The following AFG2B variants were observed in gnomAD, a reference collection of about 807,000 sequenced individuals.
The protein encoded by AFG2B is ATPase family gene 2 protein homolog B.
chr15:45,402,384 G>C, the AFG2B span: 1 of 1,555,238 alleles, frequency 6.4e-7, no homozygotes, highest in South Asian at 1.2e-5. Context: ...TGTGGGCCGG[G>C]TGGGTTTCCT....
chr15:45,411,712 C>T, the AFG2B span, among the ~76,000 whole-genome samples: 1 of 152,094 alleles, frequency 6.6e-6, no homozygotes, highest in Non-Finnish European at 1.5e-5. Flanking sequence ...CCAGGACACC[C>T]AGGAGATCGA....
chr15:45,413,858 T>G, the AFG2B span, among the ~76,000 whole-genome samples: 1 of 152,220 alleles, frequency 6.6e-6, no homozygotes, highest in Non-Finnish European at 1.5e-5. Context: ...TAACTTTTTT[T>G]AGGCCCGAGT....
chr15:45,413,697 C>T, the AFG2B span, among the ~76,000 whole-genome samples: 1 of 152,154 alleles, frequency 6.6e-6, no homozygotes, highest in Non-Finnish European at 1.5e-5. Flanking sequence ...ACTGCTTCCT[C>T]AGTGCAGACT....
chr15:45,402,520 C>T, the AFG2B span: 9 of 1,604,008 alleles, frequency 5.6e-6, no homozygotes, highest in East Asian at 1.6e-4. Flanking sequence ...GCGCTGCCGC[C>T]TGGGCCCGGC....
chr15:45,405,947 A>AT, the AFG2B span, among the ~76,000 whole-genome samples: 2 of 152,048 alleles, frequency 1.3e-5, no homozygotes, highest in African/African-American at 4.8e-5. Flanking sequence ...CTTCATGTGT[A>AT]TTTCCTTATA....
chr15:45,403,513 C>G, the AFG2B span: 1 of 1,602,590 alleles, frequency 6.2e-7, no homozygotes, highest in Non-Finnish European at 8.5e-7. Context: ...GAGATTTGAC[C>G]GAGAGGTGAA....
chr15:45,419,985 G>GCCCCC, the AFG2B span, among the ~76,000 whole-genome samples: 4 of 76,852 alleles, frequency 5.2e-5, no homozygotes, highest in Non-Finnish European at 8.8e-5. Flanking sequence ...GCAAGACTCT[G>GCCCCC]TCCCCCCCCC....
the AFG2B span, among the ~76,000 whole-genome samples, chr15:45,408,862 G>C: frequency 6.6e-6 from 1 of 152,106 alleles, no homozygotes; most frequent in Non-Finnish European, 1.5e-5. Context: ...ACTCCAGCCT[G>C]GGCAGCAGAG....
At chr15:45,420,470 A>G in the AFG2B span, among the ~76,000 whole-genome samples, 4 of 152,290 alleles carry the variant, frequency 2.6e-5, no homozygotes, top group East Asian at 5.8e-4. Flanking sequence ...AAAAATACAT[A>G]TGGGTTCATA....
At chr15:45,419,226 T>C in the AFG2B span, among the ~76,000 whole-genome samples, 1 of 152,026 alleles carries the variant, frequency 6.6e-6, no homozygotes, top group Non-Finnish European at 1.5e-5. Context: ...GGCGAGAGGA[T>C]TGCTTTAGCC....
chr15:45,407,007 C>T, the AFG2B span: 1 of 1,288,240 alleles, frequency 7.8e-7, no homozygotes, highest in Non-Finnish European at 1.0e-6. Flanking sequence ...GATTTACATT[C>T]AGGATTTCCT....
At chr15:45,402,752 G>A in the AFG2B span, 1 of 1,573,822 alleles carries the variant, frequency 6.4e-7, no homozygotes, top group Non-Finnish European at 8.6e-7. Flanking sequence ...CCGCCCCTGC[G>A]GCGCGTCGCC....
chr15:45,410,540 A>T, the AFG2B span: 4 of 1,595,080 alleles, frequency 2.5e-6, no homozygotes, highest in East Asian at 6.7e-5. Flanking sequence ...GGTAAGACAG[A>T]TAATCTACTT....
chr15:45,406,754 T>C, the AFG2B span, among the ~76,000 whole-genome samples: 1 of 152,254 alleles, frequency 6.6e-6, no homozygotes, highest in African/African-American at 2.4e-5. Context: ...GAATGATTTA[T>C]TATCCTAAAT....
the AFG2B span, among the ~76,000 whole-genome samples, chr15:45,406,476 T>A: frequency 1.3e-5 from 2 of 152,206 alleles, no homozygotes; most frequent in African/African-American, 4.8e-5. Flanking sequence ...AGGAGAAGAT[T>A]GGGCACTTGG....
chr15:45,407,252 C>G, the AFG2B span: 1 of 1,181,564 alleles, frequency 8.5e-7, no homozygotes. Flanking sequence ...ATTCTTTCCC[C>G]CACCAGCTGA....
chr15:45,417,959 T>TA, the AFG2B span, among the ~76,000 whole-genome samples: 1 of 152,114 alleles, frequency 6.6e-6, no homozygotes, highest in Non-Finnish European at 1.5e-5. Flanking sequence ...GATAGAAAAA[T>TA]AAAATTTAAT....
At chr15:45,408,887 AT>A in the AFG2B span, among the ~76,000 whole-genome samples, 1 of 152,116 alleles carries the variant, frequency 6.6e-6, no homozygotes, top group Non-Finnish European at 1.5e-5. Context: ...ACCCTGTCTC[AT>A]AAATGAATAA....
chr15:45,406,940 A>T, the AFG2B span: 1 of 1,070,766 alleles, frequency 9.3e-7, no homozygotes, highest in Admixed American at 2.3e-5. Context: ...GTGTGTAAAG[A>T]TGTGAGAATA....
Sources: allele counts gnomAD v4.1 joint callset (sites outside exome capture counted in the v4.1 genomes callset), GRCh38; gene constraint gnomAD v4.1.1; transcripts MANE v1.5; gene names NCBI Gene and HGNC (gene_info 2026-07-23, HGNC 2026-07-21).